Variants in KMT2C observed in about 807,000 individuals in gnomAD.
KMT2C encodes lysine methyltransferase 2C, also known as histone-lysine N-methyltransferase 2C.
A neutral mutation model predicts 507.9 loss-of-function variants in KMT2C; 88 were observed. That is an observed-to-expected ratio of 0.17 (90% CI 0.15 to 0.21). The LOEUF (loss-of-function observed/expected upper bound fraction) is 0.21. Among genes scored for constraint, KMT2C ranks in the 10% least tolerant of loss-of-function variants. The pLI is 1.00. For synonymous variants in KMT2C, 2,049 were observed against 2,080.8 expected (o/e 0.98, Z 0.42); for missense variants, 4,954 against 5,957.8 (o/e 0.83, Z 5.55).
chr7:152,426,512 C>T (rs1486498702), intron 1 of KMT2C, among the ~76,000 whole-genome samples: 1 of 152,132 alleles, frequency 6.6e-6, no homozygotes, highest in Non-Finnish European at 1.5e-5. Flanking sequence ...ACTGGGATTA[C>T]AGGTGTGAGC....
intron 2 of KMT2C, among the ~76,000 whole-genome samples, chr7:152,346,444 CA>C (rs1292610574): frequency 6.6e-6 from 1 of 152,094 alleles, no homozygotes; most frequent in African/African-American, 2.4e-5. Context: ...CTTAAAATCC[CA>C]AAATACTGAG....
intron 23 of KMT2C, among the ~76,000 whole-genome samples, chr7:152,214,474 C>G (rs2094524933): frequency 6.6e-6 from 1 of 152,098 alleles, no homozygotes; most frequent in Non-Finnish European, 1.5e-5. Context: ...AGCAGGTCCT[C>G]AAGTAACACT....
intron 23 of KMT2C, among the ~76,000 whole-genome samples, chr7:152,218,866 T>TTC (rs1417355853): frequency 6.6e-6 from 1 of 152,202 alleles, no homozygotes; most frequent in Non-Finnish European, 1.5e-5. Flanking sequence ...TGGGATGCTC[T>TTC]TCTCTCAGGT....
intron 3 of KMT2C, among the ~76,000 whole-genome samples, chr7:152,321,242 T>TAAA (rs1424989648): frequency 6.6e-6 from 1 of 151,536 alleles, no homozygotes; most frequent in Non-Finnish European, 1.5e-5. Flanking sequence ...AGAAAATAAA[T>TAAA]AAATAAATAA....
chr7:152,322,112 C>T (rs1271876719), intron 3 of KMT2C, among the ~76,000 whole-genome samples: 2 of 150,966 alleles, frequency 1.3e-5, no homozygotes, highest in East Asian at 3.9e-4. Context: ...ACTTGTAATG[C>T]CAGCACTTGG....
intron 24 of KMT2C, among the ~76,000 whole-genome samples, chr7:152,205,574 C>T (rs2094285108): frequency 1.3e-5 from 2 of 152,170 alleles, no homozygotes; most frequent in Admixed American, 1.3e-4. Context: ...TCATGCACTG[C>T]ATAATGATGT....
intron 7 of KMT2C, among the ~76,000 whole-genome samples, chr7:152,269,806 T>C (rs1177052341): frequency 2.6e-5 from 4 of 152,136 alleles, no homozygotes; most frequent in African/African-American, 4.8e-5. Context: ...AAGGTTCTTA[T>C]GGCAGGAGAA....
intron 3 of KMT2C, among the ~76,000 whole-genome samples, chr7:152,324,546 C>A (rs1038854355): frequency 2.0e-4 from 31 of 151,402 alleles, no homozygotes; most frequent in African/African-American, 7.5e-4. Context: ...AAAATTGGTA[C>A]AAGATGAAAC....
chr7:152,260,449 G>C (rs1333242109), intron 9 of KMT2C, among the ~76,000 whole-genome samples: 2 of 152,116 alleles, frequency 1.3e-5, no homozygotes, highest in Non-Finnish European at 1.5e-5. Flanking sequence ...TATTATTAGA[G>C]AGTGTAAAGA....
At chr7:152,230,506 A>T (rs1048806035) in intron 16 of KMT2C, among the ~76,000 whole-genome samples, 185 bp from the exon 17 acceptor site, 2 of 152,222 alleles carry the variant, frequency 1.3e-5, no homozygotes, top group African/African-American at 4.8e-5. Flanking sequence ...TATTCACCTA[A>T]TTCTCTCTTT....
intron 29 of KMT2C, 68 bp from the exon 30 acceptor site, chr7:152,194,329 T>G (rs1486420934): frequency 2.5e-5 from 34 of 1,355,308 alleles, no homozygotes; most frequent in Non-Finnish European, 3.1e-5. Context: ...TATAAAATAG[T>G]ATTTAACTGA....
rs768202575 is a variant in KMT2C, at chr7:152,176,792, A to G, written c.8661T>C (p.Ala2887=). 1.2e-6 allele frequency: 2 copies of G among 1,614,244 alleles called. No homozygotes were observed. Among genetic ancestry groups the G allele is most frequent in the East Asian group, 2.2e-5 (1 of 44,884 alleles). The change falls in exon 38 of 59, where the codon GCT becomes GCC. Residue 2887 remains alanine (A), a synonymous_variant. Transcript: ENST00000262189. The stretch of plus-strand genomic sequence containing the variant: ...CCTGAATGACATTTGCACTGGGGCC[A>G]GCAGTTTCTCGATTGGTTCTTTTCT... ...LFEKRTNRET[A]GPSANVIQAS...
At chr7:152,395,682 A>G (rs1438302297) in intron 1 of KMT2C, among the ~76,000 whole-genome samples, 2 of 151,950 alleles carry the variant, frequency 1.3e-5, no homozygotes, top group Non-Finnish European at 2.9e-5. Context: ...TAATTTTTGT[A>G]TTTTTAGTAG....
chr7:152,430,732 C>T (rs35195456), intron 1 of KMT2C, among the ~76,000 whole-genome samples: 7,857 of 152,124 alleles, frequency 0.052, 304 homozygotes, highest in African/African-American at 0.11. Flanking sequence ...ACTTTGTTGC[C>T]CAGGCTGGTC....
chr7:152,358,556 T>C (rs756129555), intron 2 of KMT2C, 31 bp downstream of exon 2: 4 of 1,306,652 alleles, frequency 3.1e-6, no homozygotes, highest in South Asian at 2.4e-5. Flanking sequence ...AGCATCATTA[T>C]ACATTCTTAT....
chr7:152,203,834 A>G (rs2094216628), intron 25 of KMT2C, among the ~76,000 whole-genome samples: 1 of 152,212 alleles, frequency 6.6e-6, no homozygotes, highest in African/African-American at 2.4e-5. Flanking sequence ...ATCTTTTTAA[A>G]GGCACCAGTA....
At position 152,248,358 on chromosome 7, in the gene KMT2C, G is replaced by A. The variant is rs2129164293; in HGVS notation, c.2076C>T (p.Val692=). 6.2e-7 allele frequency: 1 copy of A among 1,613,930 alleles called. No homozygotes were observed. The highest frequency in any genetic ancestry group is 8.5e-7 in the Non-Finnish European group (1 of 1,179,894). The change falls in exon 14 of 59, where the codon GTC becomes GTT. Residue 692 remains valine, a synonymous_variant. Coordinates refer to ENST00000262189, the MANE Select transcript of KMT2C (RefSeq NM_170606.3). ...SRPPKLVMES[V]TLPLETLVSP... ...ACACTAAGGTTTCTAGTGGAAGAGT[G>A]ACAGATTCCATGACTAATTTTGGAG... is the stretch of plus-strand genomic sequence containing the variant.
At position 152,367,356 on chromosome 7, in the gene KMT2C, G is replaced by T. The variant is rs1039399543; in HGVS notation, c.162-8681C>A. 6.5e-6 allele frequency: 5 copies of T among 770,746 alleles called. No homozygotes were observed. The Admixed American group carries it at 8.5e-5, about 13-fold the overall frequency. The allele number at this position is 770,746 out of a possible 1,614,324, so 47.7% of individuals were successfully genotyped here. ...AGAAGCCCTGAAGCAGACACCCCAGGGAGCACCTACCAGGGGCACCCCCGG... is the reference window on the plus strand; with the variant it reads ...AGAAGCCCTGAAGCAGACACCCCAGTGAGCACCTACCAGGGGCACCCCCGG... On this transcript the variant is annotated intron_variant, in intron 1 of 58. Transcript: ENST00000262189.
chr7:152,232,391 CGTT>C (rs924246153), intron 16 of KMT2C, among the ~76,000 whole-genome samples: 4 of 152,042 alleles, frequency 2.6e-5, no homozygotes, highest in East Asian at 1.9e-4. Flanking sequence ...TATCAAAAGA[CGTT>C]GTTGAGTGAA....
Sources: allele counts gnomAD v4.1 joint callset (sites outside exome capture counted in the v4.1 genomes callset), GRCh38; gene constraint gnomAD v4.1.1; transcripts MANE v1.5; gene names NCBI Gene and HGNC (gene_info 2026-07-23, HGNC 2026-07-21).